The following ITGA9 variants were observed in gnomAD, a reference collection of about 807,000 sequenced individuals.
ITGA9 encodes integrin alpha-9.
ITGA9 carries 56 observed loss-of-function variants against 127.8 expected under a neutral mutation model. That is an observed-to-expected ratio of 0.44 (90% CI 0.35 to 0.55). The LOEUF is 0.55. Among genes scored for constraint, ITGA9 ranks in the 20% least tolerant of loss-of-function variants. The pLI is 0.00. For missense variants in ITGA9, 1,196 were observed against 1,347.1 expected (o/e 0.89, Z 1.76); for synonymous variants, 508 against 514.5 (o/e 0.99, Z 0.17).
chr3:37,813,301 G>A (rs1049045151), intron 27 of ITGA9, among the ~76,000 whole-genome samples: 2 of 152,162 alleles, frequency 1.3e-5, no homozygotes, highest in Non-Finnish European at 2.9e-5. Context: ...CTGTTAAGTC[G>A]AGGTATGGTA....
chr3:37,646,762 A>T (rs944629680), intron 16 of ITGA9, among the ~76,000 whole-genome samples: 1 of 152,114 alleles, frequency 6.6e-6, no homozygotes, highest in Non-Finnish European at 1.5e-5. Flanking sequence ...TTGCCAGAGG[A>T]CTTAGGAGGA....
chr3:37,779,904 C>G lies in ITGA9; in HGVS notation c.2670C>G (p.Asp890Glu). Residue 890 changes from aspartate (D) to glutamate (E), a missense_variant and splice_region_variant, in exon 25 of 28, where the codon GAC (aspartate) becomes GAG (glutamate). Physicochemically the swap from Asp to Glu is conservative, Grantham distance 45. Coordinates refer to ENST00000264741, the MANE Select transcript of ITGA9 (RefSeq NM_002207.3). The stretch of plus-strand genomic sequence containing the variant: ...ATTTTTCTGACTTTTCTTCTCAGGA[C>G]TGTGAAAAACCAGGAATTTCTTGCC... ...FFTKSGRKVL[D>E]CEKPGISCLT... The G allele has an allele frequency of 6.2e-7, 1 of 1,613,944 alleles. No individual in the cohort carries two copies. The highest frequency in any genetic ancestry group is 8.5e-7 in the Non-Finnish European group (1 of 1,179,878).
At chr3:37,492,911 A>G (rs912755331) in intron 4 of ITGA9, among the ~76,000 whole-genome samples, 15 of 152,084 alleles carry the variant, frequency 9.9e-5, no homozygotes. Context: ...AATTTGTATT[A>G]TTTCTTGCTA....
rs1031816839 is a variant in ITGA9 at position 37,615,361 on chromosome 3, G to A, written c.1690-13826G>A. 5.9e-5 allele frequency among the ~76,000 whole-genome samples: 9 copies of A among 152,116 alleles called. No individual in the cohort carries two copies. In the South Asian group the frequency reaches 6.2e-4, roughly 11 times the overall value. On this transcript the variant is annotated intron_variant, in intron 15 of 27. Coordinates refer to ENST00000264741, the MANE Select transcript of ITGA9 (RefSeq NM_002207.3). ...AGGCTTTTGATGTGCTGCTGGATTC[G>A]GTTTGCCAGTATTTTATTGAGGATT...
intron 23 of ITGA9, among the ~76,000 whole-genome samples, chr3:37,757,405 G>C (rs1458621886): frequency 9.9e-5 from 15 of 151,862 alleles, no homozygotes; most frequent in Admixed American, 9.8e-4. Flanking sequence ...GCTCATGCCT[G>C]TAATCCCAGG....
At chr3:37,479,961 G>A (rs1205889843) in intron 3 of ITGA9, among the ~76,000 whole-genome samples, 2 of 152,152 alleles carry the variant, frequency 1.3e-5, no homozygotes, top group African/African-American at 2.4e-5. Context: ...AAAACAATGC[G>A]TTTGAGGGAG....
chr3:37,558,382 C>G (rs541149426), intron 15 of ITGA9, among the ~76,000 whole-genome samples: 1 of 152,170 alleles, frequency 6.6e-6, no homozygotes, highest in Non-Finnish European at 1.5e-5. Context: ...GCCCTGTCCT[C>G]CAACAGCTCA....
intron 17 of ITGA9, among the ~76,000 whole-genome samples, chr3:37,660,653 T>C (rs1700525064): frequency 6.6e-6 from 1 of 152,154 alleles, no homozygotes; most frequent in Non-Finnish European, 1.5e-5. Context: ...TCCCCCCATA[T>C]GTATCAGCTA....
At chr3:37,767,647 T>G (rs2125545654) in intron 23 of ITGA9, among the ~76,000 whole-genome samples, 1 of 152,338 alleles carries the variant, frequency 6.6e-6, no homozygotes, top group African/African-American at 2.4e-5. Flanking sequence ...CCAGAGCCCC[T>G]CATATTAGCC....
At chr3:37,555,240 TTTAAAAGAG>T (rs1396662613) in intron 15 of ITGA9, among the ~76,000 whole-genome samples, 1 of 152,214 alleles carries the variant, frequency 6.6e-6, no homozygotes, top group Non-Finnish European at 1.5e-5. Context: ...CCATCCATAT[TTTAAAAGAG>T]GTTGGAAGAT....
intron 15 of ITGA9, among the ~76,000 whole-genome samples, chr3:37,625,125 G>A (rs1436875268): frequency 2.0e-5 from 3 of 152,264 alleles, no homozygotes; most frequent in African/African-American, 7.2e-5. Flanking sequence ...TACCACCCCT[G>A]CCTTGCCCCT....
At chr3:37,467,411 A>G (rs534080577) in intron 1 of ITGA9, among the ~76,000 whole-genome samples, 2 of 152,208 alleles carry the variant, frequency 1.3e-5, no homozygotes, top group East Asian at 3.9e-4. Context: ...ATTTTGGTGT[A>G]AACTTTGTCC....
At position 37,601,544 on chromosome 3, in the gene ITGA9, G is replaced by A. The variant is rs73824844; in HGVS notation, c.1690-27643G>A. Reference sequence around the variant, plus strand: ...TCCCTAGAAGCAGCATATTCCTGAGGTAGCTTCATATGATCTCCAGAAGCA... The same window carrying A: ...TCCCTAGAAGCAGCATATTCCTGAGATAGCTTCATATGATCTCCAGAAGCA... On this transcript the variant is annotated intron_variant, in intron 15 of 27. Transcript: ENST00000264741. Among the ~76,000 whole-genome samples, 555 of 152,280 alleles carry A rather than the reference G, an allele frequency of 3.6e-3. 7 individuals are homozygous for A. Among genetic ancestry groups the A allele is most frequent in the African/African-American group, 0.012 (507 of 41,554 alleles).
intron 17 of ITGA9, among the ~76,000 whole-genome samples, chr3:37,669,079 C>A (rs1423548999): frequency 6.6e-6 from 1 of 152,162 alleles, no homozygotes; most frequent in Non-Finnish European, 1.5e-5. Flanking sequence ...AGGTAGAGAA[C>A]CTCTAGATTT....
intron 15 of ITGA9, among the ~76,000 whole-genome samples, chr3:37,616,924 C>T (rs1032815948): frequency 1.2e-4 from 19 of 152,128 alleles, no homozygotes; most frequent in Non-Finnish European, 2.2e-4. Flanking sequence ...ATCCAATTTG[C>T]CAGTCTGTCT....
rs567684073 is a variant in ITGA9 at position 37,705,552 on chromosome 3, A to G, written c.2067+21537A>G. Among the ~76,000 whole-genome samples, 320 of 152,322 alleles carry G rather than the reference A, an allele frequency of 2.1e-3. 1 individual carries two copies. The highest frequency in any genetic ancestry group is 3.7e-3 in the Non-Finnish European group (255 of 68,022). On this transcript the variant is annotated intron_variant, in intron 18 of 27. Coordinates refer to ENST00000264741, the MANE Select transcript of ITGA9 (RefSeq NM_002207.3). The stretch of plus-strand genomic sequence containing the variant: ...CTTTCTTCCACGTCTCTGAAAGTCC[A>G]GCTTCGTGTGGGAGAGCTCTGAGGC...
chr3:37,457,397 G>A (rs1003438273), intron 1 of ITGA9, among the ~76,000 whole-genome samples: 3 of 152,164 alleles, frequency 2.0e-5, no homozygotes, highest in Non-Finnish European at 2.9e-5. Context: ...AAACTCCTGT[G>A]AAGGGAAAAC....
intron 17 of ITGA9, among the ~76,000 whole-genome samples, chr3:37,678,731 T>A (rs951140234): frequency 6.6e-6 from 1 of 152,226 alleles, no homozygotes; most frequent in Non-Finnish European, 1.5e-5. Context: ...CAAAAAATTA[T>A]CTGGATAGAA....
chr3:37,793,514 T>C (rs17036998), intron 26 of ITGA9, among the ~76,000 whole-genome samples: 2,699 of 150,578 alleles, frequency 0.018, 67 homozygotes, highest in South Asian at 0.092. Context: ...TCAAGACAGG[T>C]TTCACAGAAG....
Sources: allele counts gnomAD v4.1 joint callset (sites outside exome capture counted in the v4.1 genomes callset), GRCh38; gene constraint gnomAD v4.1.1; transcripts MANE v1.5; gene names NCBI Gene and HGNC (gene_info 2026-07-23, HGNC 2026-07-21).